SNTG2: variants seen among roughly 807,000 people sequenced by gnomAD.
The protein encoded by SNTG2 is syntrophin gamma 2.
Under a neutral mutation model 70.9 loss-of-function variants are expected in SNTG2, and 74 were observed. The ratio of observed to expected loss-of-function variants is 1.04; its 90% CI spans 0.86 to 1.27. SNTG2 has a LOEUF of 1.27. Among genes scored for constraint, SNTG2 ranks in the 50% most tolerant of loss-of-function variants. The pLI, the probability that SNTG2 is intolerant of heterozygous loss-of-function variation, is 0.00. For synonymous variants in SNTG2, 278 were observed against 273.8 expected (o/e 1.02, Z -0.15); for missense variants, 717 against 690.7 (o/e 1.04, Z -0.43).
intron 6 of SNTG2, among the ~76,000 whole-genome samples, chr2:1,158,042 A>G (rs184926215): frequency 1.7e-4 from 26 of 152,292 alleles, no homozygotes; most frequent in Admixed American, 1.7e-3. Flanking sequence ...AGCAGCACAC[A>G]CTCAGGTGGG....
At chr2:1,101,257 A>C (rs1665764763) in intron 4 of SNTG2, among the ~76,000 whole-genome samples, 1 of 150,232 alleles carries the variant, frequency 6.7e-6, no homozygotes, top group Non-Finnish European at 1.5e-5. Context: ...CTCCATCCTC[A>C]CCACCCCTCC....
chr2:1,226,675 A>G (rs1185344149), intron 9 of SNTG2, among the ~76,000 whole-genome samples: 1 of 152,174 alleles, frequency 6.6e-6, no homozygotes, highest in Non-Finnish European at 1.5e-5. Flanking sequence ...CAGGCTTCTT[A>G]TCTTAATTTT....
intron 11 of SNTG2, among the ~76,000 whole-genome samples, chr2:1,242,436 A>G (rs1001939084): frequency 6.6e-6 from 1 of 152,238 alleles, no homozygotes; most frequent in Admixed American, 6.5e-5. Context: ...TACAAAAAGC[A>G]TAATGTATGC....
At chr2:1,153,097 C>T (rs1669626371) in intron 6 of SNTG2, among the ~76,000 whole-genome samples, 1 of 150,684 alleles carries the variant, frequency 6.6e-6, no homozygotes, top group Non-Finnish European at 1.5e-5. Context: ...GCACTCCAGC[C>T]TGGGCAACAA....
intron 6 of SNTG2, among the ~76,000 whole-genome samples, chr2:1,156,838 T>C (rs1407129619): frequency 6.6e-6 from 1 of 151,976 alleles, no homozygotes; most frequent in Non-Finnish European, 1.5e-5. Context: ...CCCAAGATGC[T>C]CAGAATAAAG....
chr2:1,209,220 G>C lies in SNTG2; in HGVS notation c.709G>C (p.Glu237Gln). The change falls in exon 9 of 17, where the codon GAA becomes CAA. Residue 237 changes from glutamate (E) to glutamine (Q), a missense_variant. By Grantham distance (29) the Glu-to-Gln change is conservative (BLOSUM62 2). Coordinates refer to ENST00000308624, the MANE Select transcript of SNTG2 (RefSeq NM_018968.4). ...ARISRYKAGT[E>Q]KLRWNAFEVL... ...CATCTCAAGGTACAAAGCCGGAACGGAAAAATTAAGGTGTGTGACCATTGT... is the reference window on the plus strand; with the variant it reads ...CATCTCAAGGTACAAAGCCGGAACGCAAAAATTAAGGTGTGTGACCATTGT... 6.2e-7 allele frequency: 1 copy of C among 1,613,944 alleles called. No individual in the cohort carries two copies. The highest frequency in any genetic ancestry group is 1.6e-4 in the Middle Eastern group (1 of 6,062).
At chr2:1,157,102 T>C (rs911344595) in intron 6 of SNTG2, among the ~76,000 whole-genome samples, 2 of 152,216 alleles carry the variant, frequency 1.3e-5, no homozygotes, top group African/African-American at 2.4e-5. Context: ...CATTACTGTT[T>C]AGCAGAAATA....
chr2:1,263,518 G>A (rs953560271), intron 13 of SNTG2, among the ~76,000 whole-genome samples: 55 of 151,442 alleles, frequency 3.6e-4, no homozygotes, highest in African/African-American at 1.2e-3. Context: ...TTTCAGGAAA[G>A]GGAACATAAT....
At chr2:1,141,527 T>A (rs1261257015) in intron 6 of SNTG2, among the ~76,000 whole-genome samples, 1 of 152,222 alleles carries the variant, frequency 6.6e-6, no homozygotes, top group Non-Finnish European at 1.5e-5. Context: ...TCTGTTGATA[T>A]TTACAATAGA....
At chr2:956,154 G>GCCCCTA (rs1660141300) in intron 1 of SNTG2, among the ~76,000 whole-genome samples, 3 of 34,456 alleles carry the variant, frequency 8.7e-5, no homozygotes, top group Non-Finnish European at 1.8e-4. Context: ...CCCCGCCCCT[G>GCCCCTA]CCCCTGCCCT....
rs138988946 is a variant in SNTG2 at position 1,109,300 on chromosome 2, T to C, written c.325+10890T>C. 4.6e-5 allele frequency among the ~76,000 whole-genome samples: 7 copies of C among 152,194 alleles called. No homozygotes were observed. In the East Asian group the frequency reaches 7.7e-4, roughly 17 times the overall value. Reference sequence around the variant, plus strand: ...CCTCTATGACTGGATGGAATTTACATGTGGTGTTTCCAACACAGCAAAACT... The same window carrying C: ...CCTCTATGACTGGATGGAATTTACACGTGGTGTTTCCAACACAGCAAAACT... On this transcript the variant is annotated intron_variant, in intron 4 of 16. Coordinates refer to ENST00000308624, the MANE Select transcript of SNTG2 (RefSeq NM_018968.4).
intron 6 of SNTG2, chr2:1,163,284 C>G (rs1215134948): frequency 6.6e-6 from 1 of 151,056 alleles, no homozygotes; most frequent in African/African-American, 2.5e-5. Context: ...AGCCTCCCAA[C>G]AGGAGGTGGG....
At chr2:1,079,306 G>C (rs1664129795) in intron 1 of SNTG2, among the ~76,000 whole-genome samples, 1 of 152,240 alleles carries the variant, frequency 6.6e-6, no homozygotes, top group South Asian at 2.1e-4. Flanking sequence ...AGTGCCTGGA[G>C]GGCATATTAC....
At chr2:1,224,112 G>T (rs1481284176) in intron 9 of SNTG2, among the ~76,000 whole-genome samples, 1 of 152,106 alleles carries the variant, frequency 6.6e-6, no homozygotes, top group Non-Finnish European at 1.5e-5. Flanking sequence ...CTTCTGTAAG[G>T]GCACAGACCC....
chr2:1,346,806 G>A (rs1026304430), intron 16 of SNTG2, among the ~76,000 whole-genome samples: 4 of 152,094 alleles, frequency 2.6e-5, no homozygotes, highest in African/African-American at 9.7e-5. Flanking sequence ...GGAAAAGTGG[G>A]TATCTCCAAG....
chr2:970,492 C>T (rs1201950056), intron 1 of SNTG2, among the ~76,000 whole-genome samples: 1 of 144,842 alleles, frequency 6.9e-6, no homozygotes, highest in African/African-American at 2.6e-5. Context: ...TTGTTCAATT[C>T]CCACCTATGA....
chr2:956,937 A>G (rs1300748642), intron 1 of SNTG2, among the ~76,000 whole-genome samples: 2 of 152,250 alleles, frequency 1.3e-5, no homozygotes, highest in Non-Finnish European at 2.9e-5. Flanking sequence ...TCACATCAGC[A>G]TAAGTTTAAT....
chr2:1,292,080 A>C (rs556781812), intron 14 of SNTG2, among the ~76,000 whole-genome samples: 8 of 152,094 alleles, frequency 5.3e-5, no homozygotes, highest in Non-Finnish European at 1.2e-4. Context: ...CATATATTTT[A>C]TTCTTTTTGA....
chr2:1,117,918 A>G (rs925514723), intron 4 of SNTG2, among the ~76,000 whole-genome samples: 1 of 152,164 alleles, frequency 6.6e-6, no homozygotes, highest in Non-Finnish European at 1.5e-5. Flanking sequence ...TTTTGGGTCC[A>G]GGATTGCAGC....
Sources: allele counts gnomAD v4.1 joint callset (sites outside exome capture counted in the v4.1 genomes callset), GRCh38; gene constraint gnomAD v4.1.1; transcripts MANE v1.5; gene names NCBI Gene and HGNC (gene_info 2026-07-23, HGNC 2026-07-21).